The following KIF13A variants were observed in gnomAD, a reference collection of about 807,000 sequenced individuals.
KIF13A encodes the protein kinesin-like protein KIF13A.
Under a neutral mutation model 212.2 loss-of-function variants are expected in KIF13A, and 79 were observed. The observed-to-expected ratio is 0.37, with a 90% confidence interval of 0.31 to 0.45. KIF13A has a LOEUF of 0.45. KIF13A is among the 20% of genes least tolerant of loss of function. The pLI is 1.00. For missense variants in KIF13A, 1,901 were observed against 2,209.0 expected (o/e 0.86, Z 2.79); for synonymous variants, 789 against 808.6 (o/e 0.98, Z 0.41).
intron 2 of KIF13A, among the ~76,000 whole-genome samples, chr6:17,981,605 G>T (rs1479716524): frequency 6.6e-6 from 1 of 151,616 alleles, no homozygotes; most frequent in Non-Finnish European, 1.5e-5. Context: ...TTGTATTTTA[G>T]TAGATATGGG....
chr6:17,788,093 T>A (rs1296465511), intron 26 of KIF13A, among the ~76,000 whole-genome samples: 1 of 152,162 alleles, frequency 6.6e-6, no homozygotes, highest in Non-Finnish European at 1.5e-5. Context: ...CCCCTGGATC[T>A]CCAGAAGGAT....
chr6:17,818,358 T>C (rs1486442680), intron 16 of KIF13A, among the ~76,000 whole-genome samples: 3 of 152,216 alleles, frequency 2.0e-5, no homozygotes, highest in Non-Finnish European at 2.9e-5. Context: ...ACCTGATGAT[T>C]GCTATTGACT....
Position 17,787,886 on chromosome 6 carries a change from G to C in KIF13A, c.3262-11C>G. ...GTTTAAGTCTTCTTCCTAACATCAG[G>C]GAGGGAAAATATTTTCCTGTAGACT... is the stretch of plus-strand genomic sequence containing the variant. On this transcript the variant is annotated splice_polypyrimidine_tract_variant and intron_variant, in intron 26 of 38. Transcript: ENST00000259711. The surrounding 1 kb of genome is among the most constrained non-coding windows in gnomAD (Gnocchi z 4.6). 6.6e-7 allele frequency: 1 copy of C among 1,514,150 alleles called. No individual in the cohort carries two copies. Among genetic ancestry groups the C allele is most frequent in the Non-Finnish European group, 9.2e-7 (1 of 1,089,514 alleles). The allele number at this position is 1,514,150 out of a possible 1,614,324, so 93.8% of individuals were successfully genotyped here.
In KIF13A at chr6:17,792,978, C is replaced by T. The variant is rs1301699502; in HGVS notation, c.3222+1271G>A. Among the ~76,000 whole-genome samples, 3 of 152,150 alleles carry T rather than the reference C, an allele frequency of 2.0e-5. No individual in the cohort carries two copies. In the East Asian group the frequency reaches 5.8e-4, roughly 29 times the overall value. On this transcript the variant is annotated intron_variant, in intron 25 of 38. Transcript: ENST00000259711. ...CGATCACATATGACGGTGAGGGAGG[C>T]AGATTTAACAGTGATTCTTCCCAGT...
chr6:17,948,498 C>T (rs1777590999), intron 2 of KIF13A, among the ~76,000 whole-genome samples: 1 of 149,620 alleles, frequency 6.7e-6, no homozygotes, highest in Admixed American at 6.7e-5. Context: ...GCTACATGAA[C>T]AGGGAAGAGA....
intron 2 of KIF13A, among the ~76,000 whole-genome samples, chr6:17,970,342 C>A (rs1051999192): frequency 2.7e-5 from 4 of 146,942 alleles, no homozygotes; most frequent in African/African-American, 1.0e-4. Flanking sequence ...TGACTCATGC[C>A]TGTAATCCCA....
chr6:17,890,033 A>T (rs1364516463), intron 3 of KIF13A, among the ~76,000 whole-genome samples: 2 of 151,994 alleles, frequency 1.3e-5, no homozygotes, highest in Non-Finnish European at 2.9e-5. Context: ...TACTAAAAAC[A>T]CAAAATTAGC....
rs911244878 is a variant in KIF13A, at chr6:17,963,894, G to A, written c.146+23160C>T. ...CTTAATGGTGATAGTGGTTAATCAG[G>A]CATATGCAACTGTAAAAACTCAAGA... On this transcript the variant is annotated intron_variant, in intron 2 of 38. Transcript: ENST00000259711. The surrounding 1 kb of genome is among the most constrained non-coding windows in gnomAD (Gnocchi z 4.1). 6.6e-6 allele frequency among the ~76,000 whole-genome samples: 1 copy of A among 152,182 alleles called. No homozygotes were observed. The highest frequency in any genetic ancestry group is 1.5e-5 in the Non-Finnish European group (1 of 68,036).
intron 23 of KIF13A, among the ~76,000 whole-genome samples, chr6:17,796,162 A>C (rs943153775): frequency 8.0e-5 from 12 of 150,594 alleles, no homozygotes; most frequent in Non-Finnish European, 1.6e-4. Context: ...CAGCAGTCCC[A>C]GAATTCAAAG....
At chr6:17,965,379 T>C (rs756337694) in intron 2 of KIF13A, among the ~76,000 whole-genome samples, 2 of 152,194 alleles carry the variant, frequency 1.3e-5, no homozygotes, top group Non-Finnish European at 2.9e-5. Context: ...TGAAATATCA[T>C]AGGTAGAGAT....
At chr6:17,812,352 G>A (rs1167290844) in intron 17 of KIF13A, 1 of 151,800 alleles carries the variant, frequency 6.6e-6, no homozygotes, top group East Asian at 1.9e-4. Context: ...TCCTCCCACA[G>A]GCCCCAGTGT....
intron 2 of KIF13A, among the ~76,000 whole-genome samples, chr6:17,945,698 T>A (rs1367509433): frequency 6.6e-6 from 1 of 152,210 alleles, no homozygotes; most frequent in Admixed American, 6.5e-5. Flanking sequence ...CATTGAACTA[T>A]GTGTCCAGTG....
intron 9 of KIF13A, among the ~76,000 whole-genome samples, chr6:17,848,300 A>G (rs746924433): frequency 6.6e-6 from 1 of 152,134 alleles, no homozygotes; most frequent in African/African-American, 2.4e-5. Flanking sequence ...AATATACAAC[A>G]TACTGTCAAT....
At position 17,839,032 on chromosome 6, in the gene KIF13A, C is replaced by T. The variant is rs531989132; in HGVS notation, c.831-1449G>A. 7.5e-4 allele frequency among the ~76,000 whole-genome samples: 114 copies of T among 152,306 alleles called. No homozygotes were observed. Among genetic ancestry groups the T allele is most frequent in the African/African-American group, 2.7e-3 (111 of 41,582 alleles). ...ATGGAGTTTCACAATGTTGCCCAGGCTGGTCTTGAACTCCTGATCTCAGGT... is the reference window on the plus strand; with the variant it reads ...ATGGAGTTTCACAATGTTGCCCAGGTTGGTCTTGAACTCCTGATCTCAGGT... On this transcript the variant is annotated intron_variant, in intron 9 of 38. Transcript: ENST00000259711. The surrounding 1 kb of genome is among the most constrained non-coding windows in gnomAD (Gnocchi z 4.3).
At chr6:17,974,599 T>TTA (rs1023329519) in intron 2 of KIF13A, among the ~76,000 whole-genome samples, 1 of 152,136 alleles carries the variant, frequency 6.6e-6, no homozygotes, top group Non-Finnish European at 1.5e-5. Context: ...GAGTTTTTTT[T>TTA]AGACCACTAA....
chr6:17,965,267 T>C (rs1561813506), intron 2 of KIF13A, among the ~76,000 whole-genome samples: 1 of 152,242 alleles, frequency 6.6e-6, no homozygotes, highest in East Asian at 1.9e-4. Context: ...TTTAGCTATG[T>C]TCTGTCTGCA....
At chr6:17,763,475 CAAAAAAAAA>C (rs67357010), downstream of KIF13A, among the ~76,000 whole-genome samples, 10 of 75,772 alleles carry the variant, frequency 1.3e-4, no homozygotes, top group East Asian at 3.2e-4. Flanking sequence ...CACTCCATCT[CAAAAAAAAA>C]AAAAAAAAAA....
Position 17,872,083 on chromosome 6 carries a change from T to C in KIF13A, c.220+1294A>G, listed in dbSNP as rs151154826. On this transcript the variant is annotated intron_variant, in intron 4 of 38. Transcript: ENST00000259711. The surrounding 1 kb of genome is among the most constrained non-coding windows in gnomAD (Gnocchi z 4.7). ...GAACTACTTACTCACTTTAATAAAATATATTGCTCAAGTTGTAGGAATGAT... is the reference window on the plus strand; with the variant it reads ...GAACTACTTACTCACTTTAATAAAACATATTGCTCAAGTTGTAGGAATGAT... 6.6e-6 allele frequency among the ~76,000 whole-genome samples: 1 copy of C among 152,162 alleles called. No individual in the cohort carries two copies. Among genetic ancestry groups the C allele is most frequent in the East Asian group, 1.9e-4 (1 of 5,204 alleles).
intron 19 of KIF13A, among the ~76,000 whole-genome samples, chr6:17,804,844 A>AAAAAAAAAAAAAAAT (rs1762803386): frequency 7.0e-6 from 1 of 143,072 alleles, no homozygotes. Flanking sequence ...AAAAAAAAAA[A>AAAAAAAAAAAAAAAT]AGAATTAGCC....
Sources: gnomAD v4.1 joint callset for allele counts (sites outside exome capture counted in the v4.1 genomes callset) on GRCh38, gnomAD v4.1.1 for gene constraint, Gnocchi (gnomAD v3.1) non-coding constraint, MANE v1.5 for transcripts, NCBI Gene and HGNC (gene_info 2026-07-23, HGNC 2026-07-21) for gene names.